Variants in LRFN2 observed in about 807,000 individuals in gnomAD.
The protein encoded by LRFN2 is leucine rich repeat and fibronectin type III domain containing 2, also known as leucine-rich repeat and fibronectin type-III domain-containing protein 2.
A neutral mutation model predicts 37.3 loss-of-function variants in LRFN2; 18 were observed. The observed-to-expected ratio is 0.48, with a 90% confidence interval of 0.33 to 0.72. LRFN2 has a LOEUF of 0.72. Ranked by LOEUF, LRFN2 falls within the 30% of genes least tolerant of loss-of-function variation. LRFN2 has a pLI of 0.02. For synonymous variants in LRFN2, 556 were observed against 466.6 expected (o/e 1.19, Z -2.47); for missense variants, 1,006 against 1,060.7 (o/e 0.95, Z 0.72).
At chr6:40,547,344 A>G (rs1766685146) in intron 1 of LRFN2, among the ~76,000 whole-genome samples, 1 of 152,100 alleles carries the variant, frequency 6.6e-6, no homozygotes, top group Admixed American at 6.5e-5. Flanking sequence ...ACCTCAGGTG[A>G]TCTGCCCACC....
intron 1 of LRFN2, among the ~76,000 whole-genome samples, chr6:40,566,391 C>G (rs989798893): frequency 2.0e-5 from 3 of 152,174 alleles, no homozygotes; most frequent in Admixed American, 6.5e-5. Context: ...TGGGTATATA[C>G]CCAAAGGATT....
At position 40,454,577 on chromosome 6, in the gene LRFN2, C is replaced by T. The variant is rs77222988; in HGVS notation, c.-18-21446G>A. Among the ~76,000 whole-genome samples the T allele has an allele frequency of 9.6e-3, 1,468 of 152,278 alleles. 21 individuals are homozygous for T. Among genetic ancestry groups the T allele is most frequent in the African/African-American group, 0.033 (1,365 of 41,552 alleles). ...TCAAATCATTTGTGATTGGCCATCT[C>T]TCAGAACAATTGCTCATTTTTCTCC... On this transcript the variant is annotated intron_variant, in intron 1 of 2. Coordinates refer to ENST00000338305, the MANE Select transcript of LRFN2 (RefSeq NM_020737.3).
intron 1 of LRFN2, among the ~76,000 whole-genome samples, chr6:40,467,034 C>A (rs1764485983): frequency 6.6e-6 from 1 of 152,044 alleles, no homozygotes; most frequent in Non-Finnish European, 1.5e-5. Flanking sequence ...GCCAACCCTG[C>A]CGACCCCTGG....
chr6:40,479,804 C>T (rs1010945339), intron 1 of LRFN2, among the ~76,000 whole-genome samples: 6 of 152,204 alleles, frequency 3.9e-5, no homozygotes, highest in African/African-American at 1.4e-4. Context: ...GAAGACCATG[C>T]CAGGATGGAG....
intron 1 of LRFN2, among the ~76,000 whole-genome samples, chr6:40,566,649 C>A (rs185317715): frequency 9.0e-4 from 136 of 151,656 alleles, no homozygotes; most frequent in Non-Finnish European, 1.8e-3. Context: ...AAACCAAACA[C>A]CGCATGTTCT....
At chr6:40,394,805 G>A (rs754078949) in intron 2 of LRFN2, among the ~76,000 whole-genome samples, 6 of 152,146 alleles carry the variant, frequency 3.9e-5, no homozygotes, top group Non-Finnish European at 7.4e-5. Context: ...AATCTCATGA[G>A]ATCTGATGGT....
chr6:40,547,947 TC>T (rs1414136941), intron 1 of LRFN2, among the ~76,000 whole-genome samples: 1 of 152,160 alleles, frequency 6.6e-6, no homozygotes. Context: ...TTAATATAAC[TC>T]ATTTGAATGT....
Position 40,572,143 on chromosome 6 carries a change from C to G in LRFN2, c.-19+14798G>C, listed in dbSNP as rs988374760. 2.0e-5 allele frequency among the ~76,000 whole-genome samples: 3 copies of G among 152,220 alleles called. No individual in the cohort carries two copies. The South Asian group carries it at 6.2e-4, about 32-fold the overall frequency. On this transcript the variant is annotated intron_variant, in intron 1 of 2. Transcript: ENST00000338305. ...CATGCCACTTATCACATGTGTGGGC[C>G]TGAGCAAGTTACTTAAACCCTCTAT...
intron 1 of LRFN2, among the ~76,000 whole-genome samples, chr6:40,499,725 C>A (rs1252069008): frequency 6.6e-6 from 1 of 152,106 alleles, no homozygotes; most frequent in Non-Finnish European, 1.5e-5. Context: ...CCCACTCCCC[C>A]TTAGAGTGTG....
At chr6:40,579,114 C>A (rs1767345341) in intron 1 of LRFN2, among the ~76,000 whole-genome samples, 1 of 152,234 alleles carries the variant, frequency 6.6e-6, no homozygotes, top group Non-Finnish European at 1.5e-5. Flanking sequence ...ATTGCAAGCA[C>A]AATCCCTGCC....
intron 1 of LRFN2, among the ~76,000 whole-genome samples, chr6:40,557,388 G>A (rs111267600): frequency 0.013 from 1,991 of 152,320 alleles, 27 homozygotes; most frequent in Non-Finnish European, 0.019. Flanking sequence ...AACCATGGTG[G>A]TAATGGTGGC....
intron 1 of LRFN2, among the ~76,000 whole-genome samples, chr6:40,544,458 C>T (rs967612772): frequency 6.6e-6 from 1 of 152,204 alleles, no homozygotes; most frequent in African/African-American, 2.4e-5. Context: ...AGTAAACAGC[C>T]ATGTGTGTGC....
At chr6:40,489,806 C>T (rs1765045058) in intron 1 of LRFN2, among the ~76,000 whole-genome samples, 1 of 152,078 alleles carries the variant, frequency 6.6e-6, no homozygotes, top group Non-Finnish European at 1.5e-5. Flanking sequence ...ACCTGTCCTC[C>T]CTCCCATCTC....
At chr6:40,437,063 T>C (rs1236950085) in intron 1 of LRFN2, among the ~76,000 whole-genome samples, 1 of 152,140 alleles carries the variant, frequency 6.6e-6, no homozygotes, top group Non-Finnish European at 1.5e-5. Context: ...ATCTCTCTTA[T>C]GAGCTCTTAT....
chr6:40,451,929 A>T (rs1764120640), intron 1 of LRFN2, among the ~76,000 whole-genome samples: 1 of 152,196 alleles, frequency 6.6e-6, no homozygotes, highest in Admixed American at 6.5e-5. Flanking sequence ...AAAGAAATGC[A>T]CAGGCTGCTG....
At chr6:40,532,890 G>A (rs180686354) in intron 1 of LRFN2, among the ~76,000 whole-genome samples, 83 of 152,304 alleles carry the variant, frequency 5.4e-4, no homozygotes, top group Middle Eastern at 3.4e-3. Flanking sequence ...AGACAATAAT[G>A]AAGGCCTCCA....
chr6:40,563,053 G>C (rs1767028907), intron 1 of LRFN2, among the ~76,000 whole-genome samples: 1 of 152,074 alleles, frequency 6.6e-6, no homozygotes, highest in Admixed American at 6.6e-5. Context: ...CTTAAGTGCT[G>C]ACTGCCCATT....
intron 1 of LRFN2, among the ~76,000 whole-genome samples, chr6:40,522,290 G>C (rs1766099650): frequency 6.6e-6 from 1 of 152,332 alleles, no homozygotes; most frequent in South Asian, 2.1e-4. Context: ...GGGTGCCCAG[G>C]AAGGTGGACA....
intron 2 of LRFN2, among the ~76,000 whole-genome samples, chr6:40,427,263 T>A (rs899651109): frequency 4.6e-5 from 7 of 152,248 alleles, no homozygotes; most frequent in Admixed American, 3.3e-4. Context: ...CATATTTACA[T>A]CAATTTATTA....
Sources: gnomAD v4.1 joint callset for allele counts (sites outside exome capture counted in the v4.1 genomes callset) on GRCh38, gnomAD v4.1.1 for gene constraint, MANE v1.5 for transcripts, NCBI Gene and HGNC (gene_info 2026-07-23, HGNC 2026-07-21) for gene names.